HMG20A: variants seen among roughly 807,000 people sequenced by gnomAD.
HMG20A encodes the protein high mobility group protein 20A.
HMG20A carries 17 observed loss-of-function variants against 43.9 expected under a neutral mutation model. The ratio of observed to expected loss-of-function variants is 0.39; its 90% confidence interval spans 0.27 to 0.58. The LOEUF (loss-of-function observed/expected upper bound fraction) is 0.58, where lower values mean the gene tolerates loss of function less well. HMG20A is among the 20% of genes least tolerant of loss of function. The pLI, the probability that HMG20A is intolerant of heterozygous loss-of-function variation, is 0.59. For missense variants in HMG20A, 341 were observed against 438.2 expected (o/e 0.78, Z 1.98); for synonymous variants, 132 against 147.5 (o/e 0.89, Z 0.76).
chr15:77,476,961 G>T (rs1003967428), intron 6 of HMG20A, among the ~76,000 whole-genome samples: 1 of 151,536 alleles, frequency 6.6e-6, no homozygotes, highest in African/African-American at 2.4e-5. Context: ...CTGATTTCTC[G>T]GTCTCATGTG....
chr15:77,464,162 G>A (rs2072733161), intron 2 of HMG20A, 78 bp from the exon 3 acceptor site: 5 of 1,494,650 alleles, frequency 3.3e-6, no homozygotes, highest in African/African-American at 1.4e-5. Context: ...ATGTGCTTTT[G>A]CTGGCAGGGA....
chr15:77,423,908 C>T lies in HMG20A; in HGVS notation c.-5+2904C>T, dbSNP rs113747499. Among the ~76,000 whole-genome samples the T allele has an allele frequency of 8.5e-3, 1,296 of 152,182 alleles. 20 individuals carry two copies. The highest frequency in any genetic ancestry group is 0.03 in the African/African-American group (1,237 of 41,460). ...TTTGCTGTCTCTATTTCATAGCCTT[C>T]ACAGGTATTCAAATGAGAATACCCT... On this transcript the variant is annotated intron_variant, in intron 1 of 9. Coordinates refer to ENST00000336216, the MANE Select transcript of HMG20A (RefSeq NM_001304504.2).
intron 1 of HMG20A, among the ~76,000 whole-genome samples, chr15:77,428,363 C>T (rs2073447685): frequency 6.6e-6 from 1 of 152,140 alleles, no homozygotes; most frequent in Admixed American, 6.6e-5. Flanking sequence ...ATGGCTTGGC[C>T]TTCAGAGAAT....
the HMG20A span, among the ~76,000 whole-genome samples, chr15:77,492,001 A>G: frequency 6.6e-6 from 1 of 152,258 alleles, no homozygotes; most frequent in Non-Finnish European, 1.5e-5. Flanking sequence ...AAGGAAAACT[A>G]CACCACAGCC....
At chr15:77,503,063 A>G in the HMG20A span, among the ~76,000 whole-genome samples, 2 of 152,226 alleles carry the variant, frequency 1.3e-5, no homozygotes, top group Non-Finnish European at 2.9e-5. Flanking sequence ...TTAACTCTGA[A>G]AAACAGCCAT....
chr15:77,477,620 C>T lies in HMG20A; in HGVS notation c.681C>T (p.Asn227=). The change falls in exon 7 of 10, where the codon AAC becomes AAT. Residue 227 remains asparagine (N), a synonymous_variant. Transcript: ENST00000336216. ...CTATATTTACAGAGGAATTCTTGAA[C>T]CATAGCAAAGGTGATTACTGAAGTT... ...DIPIFTEEFL[N]HSKAREAELR... The T allele has an allele frequency of 6.2e-7, 1 of 1,607,900 alleles. No individual in the cohort carries two copies. The highest frequency in any genetic ancestry group is 8.5e-7 in the Non-Finnish European group (1 of 1,174,894).
intron 1 of HMG20A, among the ~76,000 whole-genome samples, chr15:77,425,733 G>T (rs916155923): frequency 6.6e-6 from 1 of 152,164 alleles, no homozygotes; most frequent in Non-Finnish European, 1.5e-5. Context: ...AAACCAAATA[G>T]ATTTTTATAT....
the HMG20A span, among the ~76,000 whole-genome samples, chr15:77,507,523 G>C: frequency 1.3e-5 from 2 of 152,202 alleles, no homozygotes; most frequent in East Asian, 3.9e-4. Flanking sequence ...AAGTGGGAAA[G>C]ACAGTAGAGG....
rs773797777 is a variant in HMG20A at position 77,467,217 on chromosome 15, A to G, written c.360A>G (p.Gln120=). The G allele has an allele frequency of 6.2e-7, 1 of 1,614,168 alleles. No homozygotes were observed. The highest frequency in any genetic ancestry group is 8.5e-7 in the Non-Finnish European group (1 of 1,180,018). ...GGTTCATGAATGAGCGTCGAGAACAACTTCGAGCAAAGAGACCAGAAGTCC... is the reference window on the plus strand; with the variant it reads ...GGTTCATGAATGAGCGTCGAGAACAGCTTCGAGCAAAGAGACCAGAAGTCC... ...YVRFMNERRE[Q]LRAKRPEVPF... Residue 120 remains glutamine (Q), a synonymous_variant, in exon 4 of 10, where the codon CAA becomes CAG. Coordinates refer to ENST00000336216, the MANE Select transcript of HMG20A (RefSeq NM_001304504.2).
In HMG20A at chr15:77,458,386, A is replaced by T. The variant is rs1330176550; in HGVS notation, c.-4-18A>T. On this transcript the variant is annotated intron_variant, in intron 1 of 9. Coordinates refer to ENST00000336216, the MANE Select transcript of HMG20A (RefSeq NM_001304504.2). ...GTAATTAAGCCATTAATTTTTTTTT[A>T]TTCTCTTTTCCTTTCAGAGAGATGG... 6 of 1,558,998 alleles carry T rather than the reference A, an allele frequency of 3.8e-6. 1 individual carries two copies. The Admixed American group carries it at 7.0e-5, about 18-fold the overall frequency.
chr15:77,432,722 C>CAAAA, intron 1 of HMG20A, among the ~76,000 whole-genome samples: 1 of 77,714 alleles, frequency 1.3e-5, no homozygotes, highest in Non-Finnish European at 2.3e-5. Context: ...AACTCCGACT[C>CAAAA]AAAAAAAAAA....
the HMG20A span, among the ~76,000 whole-genome samples, chr15:77,497,926 C>T: frequency 2.0e-5 from 3 of 151,758 alleles, no homozygotes; most frequent in African/African-American, 4.8e-5. Context: ...AAACAATGCC[C>T]TTCTCTCTCT....
intron 1 of HMG20A, among the ~76,000 whole-genome samples, chr15:77,440,971 G>T (rs899255816): frequency 6.6e-6 from 1 of 152,074 alleles, no homozygotes; most frequent in Admixed American, 6.5e-5. Context: ...TATCATACAC[G>T]TATAGCTCTT....
intron 1 of HMG20A, among the ~76,000 whole-genome samples, chr15:77,435,288 A>G (rs1385502991): frequency 6.6e-6 from 1 of 151,992 alleles, no homozygotes; most frequent in South Asian, 2.1e-4. Context: ...TTTTTGTTTT[A>G]TAGTCTATTT....
rs2072801114 is a variant in HMG20A, at chr15:77,470,853, A to G, written c.451-57A>G. The G allele has an allele frequency of 1.7e-5, 24 of 1,423,568 alleles. 1 individual carries two copies. In the South Asian group the frequency reaches 3.6e-4, roughly 21 times the overall value. 88.2% of individuals were successfully genotyped at this position (1,423,568 alleles called of 1,614,324 possible). ...CCTGTTTTCTTCAAATAGGTAATTT[A>G]ATTTTATTTAAATAGGATCTCATTT... On this transcript the variant is annotated intron_variant, in intron 4 of 9. Coordinates refer to ENST00000336216, the MANE Select transcript of HMG20A (RefSeq NM_001304504.2).
chr15:77,472,592 ACCTCCTTTCCTATTC>A (rs2072819830), intron 6 of HMG20A, among the ~76,000 whole-genome samples: 2 of 151,806 alleles, frequency 1.3e-5, no homozygotes, highest in Non-Finnish European at 2.9e-5. Context: ...CAGTTCTCAC[ACCTCCTTTCCTATTC>A]CCTCACTTCA....
At chr15:77,505,789 G>A in the HMG20A span, among the ~76,000 whole-genome samples, 2 of 152,258 alleles carry the variant, frequency 1.3e-5, no homozygotes, top group African/African-American at 4.8e-5. Context: ...TGATTCACCG[G>A]TGTGCAAGCT....
chr15:77,509,916 A>C, the HMG20A span, among the ~76,000 whole-genome samples: 5 of 152,052 alleles, frequency 3.3e-5, no homozygotes, highest in East Asian at 7.8e-4. Context: ...AAAAAAAAAA[A>C]AAAACTACCC....
intron 1 of HMG20A, among the ~76,000 whole-genome samples, chr15:77,451,556 G>A (rs2142312965): frequency 1.3e-5 from 2 of 152,276 alleles, no homozygotes; most frequent in South Asian, 4.1e-4. Context: ...TCAGTTTGGG[G>A]TGGAAAATAC....
Sources: gnomAD v4.1 joint callset for allele counts (sites outside exome capture counted in the v4.1 genomes callset) on GRCh38, gnomAD v4.1.1 for gene constraint, MANE v1.5 for transcripts, NCBI Gene and HGNC (gene_info 2026-07-23, HGNC 2026-07-21) for gene names.